SEC31B: variants seen among roughly 807,000 people sequenced by gnomAD.
The protein encoded by SEC31B is protein transport protein Sec31B.
In SEC31B, 113 loss-of-function variants were observed where a neutral mutation model predicts 135.0. The observed-to-expected ratio is 0.84, with a 90% CI of 0.72 to 0.98. The LOEUF (loss-of-function observed/expected upper bound fraction) is 0.98. SEC31B is among the 50% of genes least tolerant of loss of function. The pLI is 0.00. For missense variants in SEC31B, 1,296 were observed against 1,421.1 expected (o/e 0.91, Z 1.42); for synonymous variants, 508 against 549.4 (o/e 0.92, Z 1.05).
At chr10:100,508,563 C>A in intron 5 of SEC31B, 1 of 461,064 alleles carries the variant, frequency 2.2e-6, no homozygotes, top group Non-Finnish European at 4.3e-6. Flanking sequence ...GAAGACCAGA[C>A]CCCCAACTGC....
intron 12 of SEC31B, 53 bp downstream of exon 12, chr10:100,499,471 A>G (rs1300360374): frequency 2.3e-5 from 33 of 1,452,334 alleles, no homozygotes; most frequent in Non-Finnish European, 2.8e-5. Context: ...CTCTGGCAAC[A>G]TTCTCTTCTT....
In SEC31B at chr10:100,498,726, A is replaced by G. The variant is rs747999469; in HGVS notation, c.1663T>C (p.Trp555Arg). ...GTACCTTTTGTGATGGGGATCTCCC[A>G]AGGAGTCATGTTCTGAGGGACCAGC... ...DELVPQNMTPWEIPITKDIDG... is the reference protein window; with the variant it reads ...DELVPQNMTPREIPITKDIDG... Residue 555 changes from tryptophan to arginine, a missense_variant, in exon 14 of 26, where the codon TGG becomes CGG. By Grantham distance (101) the Trp-to-Arg change is moderately radical. Transcript: ENST00000370345. 16 of 1,613,318 alleles carry G rather than the reference A, an allele frequency of 9.9e-6. No homozygotes were observed. The East Asian group carries it at 3.6e-4, about 36-fold the overall frequency.
chr10:100,489,053 T>C (rs1343235121), intron 23 of SEC31B, 79 bp from the exon 24 acceptor site: 48 of 1,531,510 alleles, frequency 3.1e-5, no homozygotes, highest in Non-Finnish European at 1.7e-6. Flanking sequence ...TAGTCCCCAG[T>C]GACTCACAGT....
At chr10:100,504,490 C>G (rs990368679) in intron 10 of SEC31B, among the ~76,000 whole-genome samples, 1 of 152,130 alleles carries the variant, frequency 6.6e-6, no homozygotes, top group African/African-American at 2.4e-5. Context: ...CTCAATGAAC[C>G]AGTTTCTGAA....
At chr10:100,488,739 G>C in intron 24 of SEC31B, 119 bp downstream of exon 24, 1 of 1,339,904 alleles carries the variant, frequency 7.5e-7, no homozygotes, top group Non-Finnish European at 1.0e-6. Flanking sequence ...GTACAAGATA[G>C]AGACAGCATG....
chr10:100,487,700 C>G lies in SEC31B; in HGVS notation c.3456G>C (p.Ala1152=). 6.2e-7 allele frequency: 1 copy of G among 1,613,900 alleles called. No homozygotes were observed. The highest frequency in any genetic ancestry group is 8.5e-7 in the Non-Finnish European group (1 of 1,179,932). ...ACACCTCGCTGAAGCTGCTACAGCC[C>G]GCCACCTGGGCATGCACTGCAAGGC... The part of the protein sequence containing the change: ...EQGLAVHAQV[A]GCSSFSEVSS... The change falls in exon 26 of 26, where the codon GCG becomes GCC. Residue 1152 remains alanine, a synonymous_variant. Transcript: ENST00000370345.
At chr10:100,500,931 G>T (rs530024893) in intron 11 of SEC31B, among the ~76,000 whole-genome samples, 1 of 152,180 alleles carries the variant, frequency 6.6e-6, no homozygotes, top group South Asian at 2.1e-4. Flanking sequence ...GCCTGGCCAG[G>T]CGCGGTGGCT....
chr10:100,515,684 C>T (rs1391785326), intron 3 of SEC31B, among the ~76,000 whole-genome samples: 1 of 152,200 alleles, frequency 6.6e-6, no homozygotes, highest in Non-Finnish European at 1.5e-5. Context: ...CCATGAAATC[C>T]ATGAGAACCA....
chr10:100,501,951 C>T (rs900918588), intron 11 of SEC31B, among the ~76,000 whole-genome samples: 4 of 152,018 alleles, frequency 2.6e-5, no homozygotes, highest in East Asian at 1.9e-4. Flanking sequence ...GGCATGATAC[C>T]GTGAAGGTCT....
chr10:100,506,700 T>C (rs1250908605), intron 7 of SEC31B, among the ~76,000 whole-genome samples: 1 of 152,208 alleles, frequency 6.6e-6, no homozygotes, highest in East Asian at 1.9e-4. Flanking sequence ...GACCTGCTTC[T>C]TTTCACTGAT....
intron 11 of SEC31B, chr10:100,500,270 C>A: frequency 2.2e-6 from 1 of 449,536 alleles, no homozygotes; most frequent in African/African-American, 2.0e-5. Flanking sequence ...TCCGAGGAGA[C>A]TGCTGCCAAG....
chr10:100,518,141 TCA>T (rs1851882906), intron 1 of SEC31B, among the ~76,000 whole-genome samples: 1 of 152,198 alleles, frequency 6.6e-6, no homozygotes, highest in African/African-American at 2.4e-5. Context: ...ATGATTTCTA[TCA>T]CACACAGAAT....
Position 100,498,702 on chromosome 10 carries a change from T to G in SEC31B, c.1684+3A>C. ...CTCTCCCTCTCCCTCAGGGTCAGGG[T>G]ACCTTTTGTGATGGGGATCTCCCAA... On this transcript the variant is annotated splice_donor_region_variant and intron_variant, in intron 14 of 25. Coordinates refer to ENST00000370345, the MANE Select transcript of SEC31B (RefSeq NM_015490.4). 6.2e-7 allele frequency: 1 copy of G among 1,607,444 alleles called. No individual in the cohort carries two copies. The highest frequency in any genetic ancestry group is 8.5e-7 in the Non-Finnish European group (1 of 1,174,286).
At chr10:100,519,191 G>A (rs1851903489) in intron 1 of SEC31B, among the ~76,000 whole-genome samples, 1 of 152,158 alleles carries the variant, frequency 6.6e-6, no homozygotes, top group Non-Finnish European at 1.5e-5. Context: ...TGTTTTAATC[G>A]CTGACAGTCT....
chr10:100,489,486 GGAGACAGAA>G (rs1416223212), intron 22 of SEC31B, 88 bp from the exon 23 acceptor site: 1 of 1,502,350 alleles, frequency 6.7e-7, no homozygotes, highest in Non-Finnish European at 9.1e-7. Context: ...CAGTGAACAA[GGAGACAGAA>G]GAGTGAGTGT....
chr10:100,495,018 G>C, intron 19 of SEC31B: 2 of 295,252 alleles, frequency 6.8e-6, no homozygotes, highest in Admixed American at 4.8e-5. Flanking sequence ...AGTAGAGATG[G>C]GGTTTCACCA....
intron 3 of SEC31B, 68 bp downstream of exon 3, chr10:100,516,028 A>C (rs928162309): frequency 6.4e-7 from 1 of 1,569,334 alleles, no homozygotes; most frequent in Non-Finnish European, 8.6e-7. Context: ...GCCCTAAGAA[A>C]CACACACTGC....
At chr10:100,507,395 C>G (rs752040809) in intron 7 of SEC31B, 30 bp downstream of exon 7, 1 of 1,613,984 alleles carries the variant, frequency 6.2e-7, no homozygotes, top group South Asian at 1.1e-5. Context: ...ACCATCCCCC[C>G]AAGGATATGG....
chr10:100,493,567 T>C (rs1851345540), intron 19 of SEC31B, among the ~76,000 whole-genome samples: 1 of 152,132 alleles, frequency 6.6e-6, no homozygotes, highest in Non-Finnish European at 1.5e-5. Flanking sequence ...ATAACAATGA[T>C]AGAGCTGGAG....
Sources: gnomAD v4.1 joint callset for allele counts (sites outside exome capture counted in the v4.1 genomes callset) on GRCh38, gnomAD v4.1.1 for gene constraint, MANE v1.5 for transcripts, NCBI Gene and HGNC (gene_info 2026-07-23, HGNC 2026-07-21) for gene names.